Variants in OSTN observed in about 807,000 individuals in gnomAD.
OSTN encodes osteocrin.
In OSTN, 9 loss-of-function variants were observed where a neutral mutation model predicts 12.0. That is an observed-to-expected ratio of 0.75 (90% confidence interval 0.45 to 1.30). The LOEUF is 1.30. OSTN is among the 50% of genes most tolerant of loss of function. The pLI is 0.00. For missense variants in OSTN, 148 were observed against 152.3 expected, an observed-to-expected ratio of 0.97 and a Z score of 0.15; for synonymous variants, 59 against 56.9, an observed-to-expected ratio of 1.04 and a Z score of -0.16.
chr3:191,238,535 C>T (rs1487534140), intron 3 of OSTN, among the ~76,000 whole-genome samples: 1 of 152,118 alleles, frequency 6.6e-6, no homozygotes, highest in Non-Finnish European at 1.5e-5. Flanking sequence ...GTAGAGGAAA[C>T]GAGGCTGTGA....
rs1426994964 is a variant in OSTN at position 191,226,759 on chromosome 3, A to G, written c.317+7798A>G. 2.0e-5 allele frequency among the ~76,000 whole-genome samples: 3 copies of G among 152,222 alleles called. No individual in the cohort carries two copies. In the East Asian group the frequency reaches 5.8e-4, roughly 29 times the overall value. ...AACTTTAAAATGTATAAAAAGTAGC[A>G]TCTCATATTAGTAAGTAAAAGAATA... is the stretch of plus-strand genomic sequence containing the variant. On this transcript the variant is annotated intron_variant, in intron 3 of 4. Transcript: ENST00000682035.
intron 3 of OSTN, 148 bp downstream of exon 3, chr3:191,219,109 T>C (rs1370821756): frequency 1.3e-6 from 1 of 749,854 alleles, no homozygotes; most frequent in Non-Finnish European, 2.1e-6. Context: ...GTAGGTTTAA[T>C]AATACAGTTT....
rs201073814 is a variant in OSTN at position 191,246,716 on chromosome 3, GGAA to G, written c.318-3307_318-3305del. 9.6e-3 allele frequency among the ~76,000 whole-genome samples: 1,445 copies of G among 149,860 alleles called. 19 individuals are homozygous for G. Among genetic ancestry groups the G allele is most frequent in the African/African-American group, 0.028 (1,135 of 41,066 alleles). On this transcript the variant is annotated intron_variant, in intron 3 of 4. Coordinates refer to ENST00000682035, the MANE Select transcript of OSTN (RefSeq NM_198184.2). ...AGGAGGATGAAAAGGAAGAAGAAGA[GGAA>G]GAAGAAGAAGAAGGAGGAGGAAGAG...
chr3:191,223,450 A>G (rs1714821141), intron 3 of OSTN, among the ~76,000 whole-genome samples: 1 of 152,260 alleles, frequency 6.6e-6, no homozygotes, highest in African/African-American at 2.4e-5. Context: ...AATGTGTTAT[A>G]GTACACGGTT....
intron 1 of OSTN, among the ~76,000 whole-genome samples, chr3:191,202,557 G>A (rs1714173903): frequency 6.6e-6 from 1 of 151,988 alleles, no homozygotes; most frequent in Admixed American, 6.6e-5. Context: ...TATTATGTTG[G>A]CTAGCTTAAT....
At chr3:191,242,041 C>G (rs1024277395) in intron 3 of OSTN, among the ~76,000 whole-genome samples, 1 of 151,908 alleles carries the variant, frequency 6.6e-6, no homozygotes, top group African/African-American at 2.4e-5. Context: ...TTGTTTATCA[C>G]AAAAATACAA....
At chr3:191,199,561 G>A (rs1024374768) in intron 1 of OSTN, among the ~76,000 whole-genome samples, 2 of 151,964 alleles carry the variant, frequency 1.3e-5, no homozygotes, top group Non-Finnish European at 2.9e-5. Flanking sequence ...AACAGAAAGT[G>A]AATGCAAAAT....
intron 3 of OSTN, among the ~76,000 whole-genome samples, chr3:191,239,230 G>A (rs1259522476): frequency 1.3e-5 from 2 of 152,240 alleles, no homozygotes; most frequent in African/African-American, 2.4e-5. Flanking sequence ...CCTGAGCAAA[G>A]GGGCCCAAGG....
At chr3:191,213,850 G>A (rs1182552015) in intron 2 of OSTN, among the ~76,000 whole-genome samples, 2 of 151,878 alleles carry the variant, frequency 1.3e-5, no homozygotes, top group East Asian at 1.9e-4. Context: ...CATATTTTTG[G>A]AGGATGCTTG....
intron 4 of OSTN, among the ~76,000 whole-genome samples, chr3:191,256,310 A>T (rs1162230365): frequency 6.6e-6 from 1 of 152,194 alleles, no homozygotes; most frequent in Non-Finnish European, 1.5e-5. Context: ...GTATAATTTG[A>T]ACATGCCAAA....
chr3:191,201,113 T>A (rs76968874), intron 1 of OSTN, among the ~76,000 whole-genome samples: 3,038 of 152,212 alleles, frequency 0.02, 91 homozygotes, highest in African/African-American at 0.053. Context: ...TTATTTATTT[T>A]TTTTAGCTAG....
chr3:191,215,181 A>G (rs574646183), intron 2 of OSTN, among the ~76,000 whole-genome samples: 1 of 152,340 alleles, frequency 6.6e-6, no homozygotes, highest in South Asian at 2.1e-4. Flanking sequence ...AGGAGACTGA[A>G]TTACCAAACA....
Position 191,218,901 on chromosome 3 carries a change from G to C in OSTN, c.257G>C (p.Gly86Ala). ...IETKKKRSFS[G>A]FGSPLDRLSA... ...ACAAAGAAGAAAAGGAGTTTCTCTG[G>C]TTTTGGGTCTCCCCTTGACAGACTC... Residue 86 changes from glycine (G) to alanine (A), a missense_variant, in exon 3 of 5, where the codon GGT (glycine) becomes GCT (alanine). Transcript: ENST00000682035. 2 of 1,614,116 alleles carry C rather than the reference G, an allele frequency of 1.2e-6. No individual in the cohort carries two copies. Among genetic ancestry groups the C allele is most frequent in the Non-Finnish European group, 1.7e-6 (2 of 1,179,992 alleles).
intron 3 of OSTN, 146 bp downstream of exon 3, chr3:191,219,107 A>C: frequency 5.3e-6 from 4 of 754,298 alleles, no homozygotes; most frequent in Non-Finnish European, 6.2e-6. Context: ...CTGTAGGTTT[A>C]ATAATACAGT....
chr3:191,245,728 G>T (rs965719816), intron 3 of OSTN, among the ~76,000 whole-genome samples: 19 of 152,230 alleles, frequency 1.2e-4, no homozygotes, highest in African/African-American at 4.6e-4. Context: ...AATTTTGGTA[G>T]GAGAGACCAA....
intron 4 of OSTN, among the ~76,000 whole-genome samples, chr3:191,262,521 T>C (rs547442445): frequency 3.3e-4 from 50 of 152,322 alleles, no homozygotes; most frequent in Middle Eastern, 6.8e-3. Flanking sequence ...CCTTCTTTTG[T>C]TTGTCACGGC....
At chr3:191,201,386 AT>A (rs1253962082) in intron 1 of OSTN, among the ~76,000 whole-genome samples, 1 of 152,006 alleles carries the variant, frequency 6.6e-6, no homozygotes, top group Non-Finnish European at 1.5e-5. Context: ...AAATTTGACA[AT>A]TTTTAATGAT....
At chr3:191,202,417 A>C (rs192068505) in intron 1 of OSTN, among the ~76,000 whole-genome samples, 1 of 152,304 alleles carries the variant, frequency 6.6e-6, no homozygotes, top group Non-Finnish European at 1.5e-5. Context: ...AGACAGAGAA[A>C]GTATCTTCTT....
At chr3:191,262,142 C>T (rs564444904) in intron 4 of OSTN, among the ~76,000 whole-genome samples, 2 of 152,236 alleles carry the variant, frequency 1.3e-5, no homozygotes, top group East Asian at 1.9e-4. Context: ...CGCTTGAACC[C>T]GGAAGGCGGA....
Sources: gnomAD v4.1 joint callset for allele counts (sites outside exome capture counted in the v4.1 genomes callset) on GRCh38, gnomAD v4.1.1 for gene constraint, MANE v1.5 for transcripts, NCBI Gene and HGNC (gene_info 2026-07-23, HGNC 2026-07-21) for gene names.